The following CTPS2 variants were observed in gnomAD, a reference collection of about 807,000 sequenced individuals.
CTPS2 encodes CTP synthase II.
CTPS2 carries 19 observed loss-of-function variants against 46.8 expected under a neutral mutation model. The observed-to-expected ratio is 0.41, with a 90% confidence interval of 0.28 to 0.60. The LOEUF is 0.60. CTPS2 is among the 20% of genes least tolerant of loss of function. The pLI, the probability that CTPS2 is intolerant of heterozygous loss-of-function variation, is 0.35. For synonymous variants in CTPS2, 151 were observed against 165.2 expected (o/e 0.91, Z 0.66); for missense variants, 286 against 447.6 (o/e 0.64, Z 3.26).
rs1336463018 is a variant in CTPS2 at position 16,590,837 on chromosome X, C to T, written c.1717G>A (p.Asp573Asn). The stretch of plus-strand genomic sequence containing the variant: ...GCTATCCTTGGCTCTGAAAAGCTGT[C>T]ATCACTGGCATCACTGTATCTATCA... ...SSDRYSDASD[D>N]SFSEPRIAEL... is the part of the protein sequence containing the mutation. The change falls in exon 18 of 19, where the codon GAC becomes AAC. Residue 573 changes from aspartate (D) to asparagine (N), a missense_variant. Asp to Asn is a conservative substitution (Grantham distance 23). Coordinates refer to ENST00000359276, the MANE Select transcript of CTPS2 (RefSeq NM_175859.3). 8.4e-7 allele frequency: 1 copy of T among 1,193,723 alleles called. No individual in the cohort carries two copies. Among genetic ancestry groups the T allele is most frequent in the South Asian group, 1.8e-5 (1 of 56,196 alleles).
intron 1 of CTPS2, among the ~76,000 whole-genome samples, chrX:16,709,247 G>C (rs1925261570): frequency 9.1e-6 from 1 of 110,179 alleles, no homozygotes; most frequent in East Asian, 2.9e-4. Context: ...GGGCAACATG[G>C]GGAAACCCCA....
intron 3 of CTPS2, among the ~76,000 whole-genome samples, 170 bp from the exon 4 acceptor site, chrX:16,698,506 G>A (rs1028132401): frequency 3.6e-5 from 4 of 111,022 alleles, no homozygotes; most frequent in African/African-American, 6.5e-5. Context: ...CTTGTAGAGC[G>A]CAGGGACTGT....
chrX:16,610,217 G>A (rs2147186782), intron 16 of CTPS2, among the ~76,000 whole-genome samples: 1 of 111,626 alleles, frequency 9.0e-6, no homozygotes, highest in East Asian at 2.8e-4. Context: ...CCACAAAACT[G>A]AGCATTTTTT....
chrX:16,626,790 C>T (rs1395861294), intron 14 of CTPS2, among the ~76,000 whole-genome samples: 1 of 110,217 alleles, frequency 9.1e-6, no homozygotes, highest in African/African-American at 3.3e-5. Flanking sequence ...GTGACCTCTG[C>T]TCCTCCAGGC....
At chrX:16,674,837 C>CAA (rs35273579) in intron 10 of CTPS2, among the ~76,000 whole-genome samples, 70 of 53,277 alleles carry the variant, frequency 1.3e-3, no homozygotes, top group African/African-American at 4.2e-3. Context: ...GACTCCGTCT[C>CAA]AAAAAAAAAA....
At chrX:16,670,380 T>C in intron 11 of CTPS2, among the ~76,000 whole-genome samples, 200 bp downstream of exon 11, 1 of 112,338 alleles carries the variant, frequency 8.9e-6, no homozygotes, top group South Asian at 3.7e-4. Flanking sequence ...TGTGGCTGTG[T>C]TCCAATAAAG....
Position 16,693,385 on chromosome X carries a change from T to C in CTPS2, c.541A>G (p.Ser181Gly), listed in dbSNP as rs776075227. 8.3e-7 allele frequency: 1 copy of C among 1,199,389 alleles called. No individual in the cohort carries two copies. Among genetic ancestry groups the C allele is most frequent in the South Asian group, 1.8e-5 (1 of 56,589 alleles). The stretch of plus-strand genomic sequence containing the variant: ...GGAAAGCCCACCTGTGGGACAAGGC[T>C]AACGTGGATATTACAGAAATTCTCT... ...KRENFCNIHV[S>G]LVPQLSATGE... The change falls in exon 5 of 19, where the codon AGC becomes GGC. Residue 181 changes from serine (S) to glycine (G), a missense_variant. By Grantham distance (56) the Ser-to-Gly change is moderately conservative (BLOSUM62 0). Transcript: ENST00000359276.
intron 10 of CTPS2, among the ~76,000 whole-genome samples, chrX:16,677,702 G>C (rs1260873408): frequency 9.0e-6 from 1 of 111,719 alleles, no homozygotes; most frequent in Non-Finnish European, 1.9e-5. Context: ...ACAGGTTGCA[G>C]TAAAGAAGCC....
chrX:16,623,182 AC>A (rs1487259196), intron 14 of CTPS2, among the ~76,000 whole-genome samples: 2 of 111,734 alleles, frequency 1.8e-5, no homozygotes, highest in Non-Finnish European at 1.9e-5. Context: ...ATGTTTTGAT[AC>A]AGGCATACAA....
At chrX:16,642,119 CAAGTTT>C (rs1932108116) in intron 13 of CTPS2, among the ~76,000 whole-genome samples, 2 of 112,078 alleles carry the variant, frequency 1.8e-5, no homozygotes, top group Middle Eastern at 4.6e-3. Context: ...AATGAAAATA[CAAGTTT>C]AAGTCATCAA....
At chrX:16,658,223 A>AG (rs397967777) in intron 13 of CTPS2, among the ~76,000 whole-genome samples, 5 of 109,963 alleles carry the variant, frequency 4.5e-5, no homozygotes, top group Non-Finnish European at 9.5e-5. Context: ...AAAAAAAAAA[A>AG]GGTGATTTCT....
chrX:16,706,999 C>T (rs904411622), intron 1 of CTPS2, among the ~76,000 whole-genome samples: 23 of 107,182 alleles, frequency 2.1e-4, no homozygotes, highest in Admixed American at 3.0e-4. Flanking sequence ...GCTGAGATCA[C>T]GCCACTGCAC....
intron 17 of CTPS2, among the ~76,000 whole-genome samples, chrX:16,606,130 T>C (rs1213624400): frequency 8.9e-6 from 1 of 112,606 alleles, no homozygotes. Context: ...ATTTTTACAC[T>C]CCATGCTTTA....
intron 1 of CTPS2, among the ~76,000 whole-genome samples, chrX:16,708,831 T>A (rs1416132226): frequency 8.9e-6 from 1 of 112,442 alleles, no homozygotes; most frequent in East Asian, 2.8e-4. Context: ...AGTCACATTA[T>A]GCCTAATAAA....
At chrX:16,693,324 G>A in intron 5 of CTPS2, 47 bp downstream of exon 5, 2 of 1,088,365 alleles carry the variant, frequency 1.8e-6, no homozygotes, top group Non-Finnish European at 2.6e-6. Context: ...AATATCATAG[G>A]AAAACTTATC....
chrX:16,648,933 G>A (rs1391701545), intron 13 of CTPS2, among the ~76,000 whole-genome samples: 1 of 112,163 alleles, frequency 8.9e-6, no homozygotes, highest in South Asian at 3.7e-4. Context: ...ATATAAGGCA[G>A]AGTCAGGGAA....
chrX:16,625,357 C>T (rs1171934712), intron 14 of CTPS2, among the ~76,000 whole-genome samples: 2 of 112,222 alleles, frequency 1.8e-5, no homozygotes, highest in African/African-American at 3.2e-5. Context: ...CCCTGACCCC[C>T]CTCACAGGAC....
intron 13 of CTPS2, among the ~76,000 whole-genome samples, chrX:16,643,889 A>C (rs181109941): frequency 8.1e-5 from 9 of 111,046 alleles, no homozygotes; most frequent in Non-Finnish European, 1.7e-4. Context: ...ACTTTTCCCA[A>C]GATACCTTCT....
At chrX:16,685,049 C>T (rs1471371630) in intron 8 of CTPS2, among the ~76,000 whole-genome samples, 1 of 111,185 alleles carries the variant, frequency 9.0e-6, no homozygotes, top group Non-Finnish European at 1.9e-5. Context: ...CGAGATCATG[C>T]CACTGCACTC....
Sources: allele counts gnomAD v4.1 joint callset (sites outside exome capture counted in the v4.1 genomes callset), GRCh38; gene constraint gnomAD v4.1.1; transcripts MANE v1.5; gene names NCBI Gene and HGNC (gene_info 2026-07-23, HGNC 2026-07-21).